Variants in PTCHD1 observed in about 807,000 individuals in gnomAD.
The protein encoded by PTCHD1 is patched domain containing 1.
In PTCHD1, 3 loss-of-function variants were observed where a neutral mutation model predicts 34.6. The ratio of observed to expected loss-of-function variants is 0.09; its 90% CI spans 0.04 to 0.22. The LOEUF (loss-of-function observed/expected upper bound fraction) is 0.22, where lower values mean the gene tolerates loss of function less well. PTCHD1 is among the 10% of genes least tolerant of loss of function. The probability of loss-of-function intolerance (pLI) is 1.00; values close to 1 mark genes in which losing one functional copy is unlikely to be tolerated. For synonymous variants in PTCHD1, 305 were observed against 283.1 expected (o/e 1.08, Z -0.77); for missense variants, 504 against 685.5 (o/e 0.74, Z 2.96).
intron 2 of PTCHD1, among the ~76,000 whole-genome samples, chrX:23,380,893 GCTCCTGCAGCACA>G (rs1922546237): frequency 9.0e-6 from 1 of 111,269 alleles, no homozygotes; most frequent in Non-Finnish European, 1.9e-5. Flanking sequence ...CCAGGGAGGT[GCTCCTGCAGCACA>G]CTCCTGCAGC....
At chrX:23,385,912 TATG>T (rs1201983123) in intron 2 of PTCHD1, among the ~76,000 whole-genome samples, 3 of 110,953 alleles carry the variant, frequency 2.7e-5, no homozygotes, top group African/African-American at 6.5e-5. Flanking sequence ...TCATATGCAA[TATG>T]ATATGTAGTA....
intron 1 of PTCHD1, among the ~76,000 whole-genome samples, chrX:23,341,867 C>T (rs1051303112): frequency 8.9e-6 from 1 of 112,107 alleles, no homozygotes; most frequent in African/African-American, 3.2e-5. Context: ...AAGAAATCCT[C>T]TTGAGAATAT....
chrX:23,363,413 T>C (rs1922045453), intron 1 of PTCHD1, among the ~76,000 whole-genome samples: 1 of 112,952 alleles, frequency 8.9e-6, no homozygotes, highest in Non-Finnish European at 1.9e-5. Context: ...CTCAGACTGC[T>C]GTGCTAGCAG....
chrX:23,349,384 AC>A (rs887796529), intron 1 of PTCHD1, among the ~76,000 whole-genome samples: 2 of 111,687 alleles, frequency 1.8e-5, no homozygotes, highest in African/African-American at 6.5e-5. Flanking sequence ...GATTATGGAA[AC>A]AAAAAAGACC....
chrX:23,390,675 A>C (rs1329068325), intron 2 of PTCHD1, among the ~76,000 whole-genome samples: 1 of 111,982 alleles, frequency 8.9e-6, no homozygotes, highest in African/African-American at 3.2e-5. Context: ...CTAGTCAATT[A>C]AGATAAATGC....
chrX:23,375,287 CTTT>C (rs72075900), intron 1 of PTCHD1, among the ~76,000 whole-genome samples: 2 of 83,721 alleles, frequency 2.4e-5, no homozygotes, highest in African/African-American at 4.8e-5. Flanking sequence ...GCTGACAATT[CTTT>C]TTTTTTTTTT....
intron 1 of PTCHD1, among the ~76,000 whole-genome samples, chrX:23,339,156 T>C (rs139883845): frequency 8.8e-4 from 99 of 112,222 alleles, no homozygotes; most frequent in African/African-American, 3.0e-3. Flanking sequence ...CCTAGTTTAC[T>C]CAGACATTTA....
chrX:23,343,929 G>A (rs1443739355), intron 1 of PTCHD1, among the ~76,000 whole-genome samples: 2 of 112,316 alleles, frequency 1.8e-5, no homozygotes, highest in East Asian at 5.5e-4. Context: ...TTGAGTTGTT[G>A]GATTTTGTTT....
intron 1 of PTCHD1, among the ~76,000 whole-genome samples, chrX:23,355,621 T>C (rs1921782967): frequency 8.9e-6 from 1 of 112,599 alleles, no homozygotes; most frequent in Non-Finnish European, 1.9e-5. Context: ...TCTATTACAT[T>C]ATGTCTCAGC....
intron 1 of PTCHD1, among the ~76,000 whole-genome samples, chrX:23,345,028 A>G (rs1921438701): frequency 8.9e-6 from 1 of 112,308 alleles, no homozygotes; most frequent in Non-Finnish European, 1.9e-5. Context: ...CAGGAGCACC[A>G]GGCAAAGTGA....
In PTCHD1 at chrX:23,400,865, T is replaced by G. The variant is rs1469724181; in HGVS notation, c.*6680T>G. The G allele has an allele frequency of 9.2e-6, 1 of 109,005 alleles. No individual in the cohort carries two copies. Among genetic ancestry groups the G allele is most frequent in the Non-Finnish European group, 1.9e-5 (1 of 52,580 alleles). 9.0% of individuals were successfully genotyped at this position (109,005 alleles called of 1,213,427 possible). ...TTTGTCTTTTTTGTTTGTTTGTTTG[T>G]TTTTTTTTGAGATGGAGTCTCACTC... On this transcript the variant is annotated 3_prime_UTR_variant, in exon 3 of 3. Coordinates refer to ENST00000379361, the MANE Select transcript of PTCHD1 (RefSeq NM_173495.3).
At chrX:23,386,499 G>A (rs765024168) in intron 2 of PTCHD1, among the ~76,000 whole-genome samples, 8 of 112,069 alleles carry the variant, frequency 7.1e-5, no homozygotes, top group African/African-American at 2.6e-4. Context: ...AGCTTGTAAA[G>A]TAAATGTTTA....
At chrX:23,376,928 G>T (rs1922426810) in intron 1 of PTCHD1, among the ~76,000 whole-genome samples, 1 of 111,987 alleles carries the variant, frequency 8.9e-6, no homozygotes, top group Non-Finnish European at 1.9e-5. Flanking sequence ...ACTTCATTAA[G>T]GTTCTCATTT....
At chrX:23,353,609 CA>C (rs200478194) in intron 1 of PTCHD1, among the ~76,000 whole-genome samples, 13,635 of 96,266 alleles carry the variant, frequency 0.14, 810 homozygotes, top group South Asian at 0.21. Context: ...CAAAACAAAA[CA>C]AAAAAAAAAA....
chrX:23,335,034 G>A lies in PTCHD1; in HGVS notation c.159G>A (p.Glu53=), dbSNP rs368805901. ...FSRYQVEESV[E]HLLAPQHSLA... is the part of the protein sequence containing the mutation. Reference sequence around the variant, plus strand: ...GCTACCAGGTCGAGGAGAGCGTGGAGCACCTGCTGGCGCCCCAGCACAGCC... The same window carrying A: ...GCTACCAGGTCGAGGAGAGCGTGGAACACCTGCTGGCGCCCCAGCACAGCC... Residue 53 remains glutamate (E), a synonymous_variant, in exon 1 of 3, where the codon GAG becomes GAA. Transcript: ENST00000379361. 3.3e-6 allele frequency: 4 copies of A among 1,209,347 alleles called. No homozygotes were observed. The African/African-American group carries it at 7.0e-5, about 21-fold the overall frequency.
intron 1 of PTCHD1, 24 bp from the exon 2 acceptor site, chrX:23,379,567 T>C (rs772901708): frequency 1.7e-6 from 2 of 1,204,146 alleles, no homozygotes; most frequent in South Asian, 3.5e-5. Context: ...GATTAATAAA[T>C]GCTGTCATTT....
At chrX:23,358,754 T>C (rs757863315) in intron 1 of PTCHD1, among the ~76,000 whole-genome samples, 2 of 112,268 alleles carry the variant, frequency 1.8e-5, no homozygotes, top group South Asian at 7.4e-4. Flanking sequence ...TTACCTAAGT[T>C]TTCTTCAAGG....
At chrX:23,341,417 G>C (rs760567302) in intron 1 of PTCHD1, among the ~76,000 whole-genome samples, 2 of 112,589 alleles carry the variant, frequency 1.8e-5, no homozygotes, top group Non-Finnish European at 3.8e-5. Context: ...TGGCACAAAA[G>C]CCAGGGAAAT....
intron 1 of PTCHD1, among the ~76,000 whole-genome samples, chrX:23,365,956 C>T (rs1275806398): frequency 1.8e-5 from 2 of 112,123 alleles, no homozygotes; most frequent in African/African-American, 6.5e-5. Context: ...CACACATCAG[C>T]TAAATCTACA....
Sources: allele counts gnomAD v4.1 joint callset (sites outside exome capture counted in the v4.1 genomes callset), GRCh38; gene constraint gnomAD v4.1.1; transcripts MANE v1.5; gene names NCBI Gene and HGNC (gene_info 2026-07-23, HGNC 2026-07-21).